Variants in AREG observed in about 807,000 individuals in gnomAD.
AREG encodes amphiregulin B.
A neutral mutation model predicts 28.0 loss-of-function variants in AREG; 16 were observed. The ratio of observed to expected loss-of-function variants is 0.57; its 90% CI spans 0.39 to 0.87. The LOEUF (loss-of-function observed/expected upper bound fraction) is 0.87. Ranked by LOEUF, AREG falls within the 40% of genes least tolerant of loss-of-function variation. The probability of loss-of-function intolerance (pLI) is 0.00; values close to 1 mark genes in which losing one functional copy is unlikely to be tolerated. For synonymous variants in AREG, 113 were observed against 113.5 expected (o/e 1.00, Z 0.02); for missense variants, 287 against 309.1 (o/e 0.93, Z 0.53).
Position 74,452,545 on chromosome 4 carries a change from C to G in AREG, c.667C>G (p.Leu223Val). The stretch of plus-strand genomic sequence containing the variant: ...ATTAGAATGCCTTGTTCTCTGAAGG[C>G]TTAGAAGACAATACGTCAGGAAATA... ...LTAVAVITVQLRRQYVRKYEG... is the reference protein window; with the variant it reads ...LTAVAVITVQVRRQYVRKYEG... The change falls in exon 5 of 6, where the codon CTT (leucine) becomes GTT (valine). Residue 223 changes from leucine (L) to valine (V), a missense_variant and splice_region_variant. By Grantham distance (32) the Leu-to-Val change is conservative. Coordinates refer to ENST00000395748, the MANE Select transcript of AREG (RefSeq NM_001657.4). 6.2e-7 allele frequency: 1 copy of G among 1,613,338 alleles called. No homozygotes were observed. Among genetic ancestry groups the G allele is most frequent in the Non-Finnish European group, 8.5e-7 (1 of 1,179,610 alleles).
chr4:74,453,171 T>C (rs1197199406), intron 5 of AREG, among the ~76,000 whole-genome samples: 5 of 152,148 alleles, frequency 3.3e-5, no homozygotes, highest in African/African-American at 1.2e-4. Context: ...TTGTGAAAAA[T>C]GGCTTAATCT....
In AREG at chr4:74,454,051, C is replaced by T. The variant is rs986012005; in HGVS notation, c.*19-708C>T. On this transcript the variant is annotated intron_variant, in intron 5 of 5. Coordinates refer to ENST00000395748, the MANE Select transcript of AREG (RefSeq NM_001657.4). ...CCAGATGGTTCTGATACTTGAACAACGCTATATTTAGCATTGGTTAAGTAC... is the reference window on the plus strand; with the variant it reads ...CCAGATGGTTCTGATACTTGAACAATGCTATATTTAGCATTGGTTAAGTAC... Among the ~76,000 whole-genome samples, 41 of 152,114 alleles carry T rather than the reference C, an allele frequency of 2.7e-4. No individual in the cohort carries two copies. In the East Asian group the frequency reaches 3.9e-3, roughly 14 times the overall value.
At chr4:74,452,494 A>G (rs1346727224) in intron 4 of AREG, 50 bp from the exon 5 acceptor site, 1 of 1,609,390 alleles carries the variant, frequency 6.2e-7, no homozygotes, top group African/African-American at 1.3e-5. Flanking sequence ...CCAATCAAAC[A>G]TATAGATGAA....
chr4:74,449,293 T>C, intron 3 of AREG, 45 bp downstream of exon 3: 2 of 1,612,768 alleles, frequency 1.2e-6, no homozygotes, highest in South Asian at 1.1e-5. Flanking sequence ...TCTAGCACCA[T>C]GTCTGAAACC....
chr4:74,448,840 T>C, intron 2 of AREG: 2 of 648,998 alleles, frequency 3.1e-6, no homozygotes, highest in Non-Finnish European at 5.0e-6. Context: ...ACTATAATCA[T>C]GAGTGGACAC....
intron 4 of AREG, 102 bp downstream of exon 4, chr4:74,450,634 T>C (rs1719366374): frequency 3.5e-6 from 5 of 1,440,468 alleles, no homozygotes; most frequent in Non-Finnish European, 4.7e-6. Context: ...TGAATTATTA[T>C]ATTGTCACTT....
In AREG at chr4:74,447,883, A is replaced by G. The variant is rs1719318555; in HGVS notation, c.310+1101A>G. ...GTGGGTAAGGGGTTCATTTGTGCTTATTTTTGAAGGCATGAGATTAGACCC... is the reference window on the plus strand; with the variant it reads ...GTGGGTAAGGGGTTCATTTGTGCTTGTTTTTGAAGGCATGAGATTAGACCC... On this transcript the variant is annotated intron_variant, in intron 2 of 5. Coordinates refer to ENST00000395748, the MANE Select transcript of AREG (RefSeq NM_001657.4). Among the ~76,000 whole-genome samples, 20 of 152,276 alleles carry G rather than the reference A, an allele frequency of 1.3e-4. 1 individual carries two copies. The South Asian group carries it at 3.9e-3, about 30-fold the overall frequency.
intron 3 of AREG, among the ~76,000 whole-genome samples, chr4:74,449,742 G>A (rs1303387369): frequency 6.6e-6 from 1 of 152,120 alleles, no homozygotes; most frequent in Admixed American, 6.5e-5. Context: ...GAGACAGAGC[G>A]AGGCCCTGTC....
rs1385527433 is a variant in AREG at position 74,446,649 on chromosome 4, A to T, written c.177A>T (p.Ser59=). ...TTACCTCAAGAAGTGAGATGTCTTC[A>T]GGGAGTGAGATTTCCCCTGTGAGTG... ...FEVTSRSEMS[S]GSEISPVSEM... Residue 59 remains serine, a synonymous_variant, in exon 2 of 6, where the codon TCA becomes TCT. Transcript: ENST00000395748. The T allele has an allele frequency of 1.2e-6, 2 of 1,613,996 alleles. No individual in the cohort carries two copies. The highest frequency in any genetic ancestry group is 2.7e-5 in the African/African-American group (2 of 75,054).
rs977388436 is a variant in AREG at position 74,454,756 on chromosome 4, C to A, written c.*19-3C>A. The A allele has an allele frequency of 1.5e-6, 1 of 683,816 alleles. No individual in the cohort carries two copies. 42.4% of individuals were successfully genotyped at this position (683,816 alleles called of 1,614,324 possible). A position where few individuals can be genotyped will look rare whatever the true frequency, so the allele number is the denominator to read the frequency against. ...TATTTTATTTTATTTTATTTTCTCA[C>A]AGGATATCACATTGGAGTCACTGCC... On this transcript the variant is annotated splice_polypyrimidine_tract_variant and splice_region_variant and intron_variant, in intron 5 of 5. Coordinates refer to ENST00000395748, the MANE Select transcript of AREG (RefSeq NM_001657.4).
rs1719250540 is a variant in AREG at position 74,445,292 on chromosome 4, G to T, written c.-54G>T. Reference sequence around the variant, plus strand: ...CCCGCTCGTTTTGGCGGCAGCTCGTGTCCCAGAGACCGAGTTGCCCCAGAG... The same window carrying T: ...CCCGCTCGTTTTGGCGGCAGCTCGTTTCCCAGAGACCGAGTTGCCCCAGAG... On this transcript the variant is annotated 5_prime_UTR_variant, in exon 1 of 6. Transcript: ENST00000395748. 2.5e-6 allele frequency: 4 copies of T among 1,590,688 alleles called. No homozygotes were observed. The highest frequency in any genetic ancestry group is 3.4e-6 in the Non-Finnish European group (4 of 1,170,834).
At position 74,445,192 on chromosome 4, in the gene AREG, C is replaced by T; in HGVS notation, c.-154C>T. 6.8e-7 allele frequency: 1 copy of T among 1,473,142 alleles called. No homozygotes were observed. The highest frequency in any genetic ancestry group is 2.3e-5 in the Admixed American group (1 of 44,374). 91.3% of individuals were successfully genotyped at this position (1,473,142 alleles called of 1,614,324 possible). A position where few individuals can be genotyped will look rare whatever the true frequency, so the allele number is the denominator to read the frequency against. ...AGAGGTCCCGGGACAGCCCGAGGCG[C>T]CGCGCCCGCCGCCCCGAGCTCCCCA... is the stretch of plus-strand genomic sequence containing the variant. On this transcript the variant is annotated 5_prime_UTR_variant, in exon 1 of 6. Coordinates refer to ENST00000395748, the MANE Select transcript of AREG (RefSeq NM_001657.4).
At position 74,446,613 on chromosome 4, in the gene AREG, T is replaced by C. The variant is rs1284770638; in HGVS notation, c.141T>C (p.Asp47=). 1.2e-6 allele frequency: 2 copies of C among 1,613,862 alleles called. No homozygotes were observed. Among genetic ancestry groups the C allele is most frequent in the African/African-American group, 2.7e-5 (2 of 74,916 alleles). Residue 47 remains aspartate (D), a synonymous_variant, in exon 2 of 6, where the codon GAT becomes GAC. Coordinates refer to ENST00000395748, the MANE Select transcript of AREG (RefSeq NM_001657.4). ...REPFSGDHSA[D]GFEVTSRSEM... is the part of the protein sequence containing the mutation. ...CATTTTCTGGGGACCACAGTGCTGA[T>C]GGATTTGAGGTTACCTCAAGAAGTG... is the stretch of plus-strand genomic sequence containing the variant.
At chr4:74,454,531 A>G (rs938807434) in intron 5 of AREG, among the ~76,000 whole-genome samples, 2 of 152,174 alleles carry the variant, frequency 1.3e-5, no homozygotes, top group East Asian at 1.9e-4. Flanking sequence ...GTGGACTTCT[A>G]CTGAACTAGG....
intron 5 of AREG, among the ~76,000 whole-genome samples, chr4:74,453,968 A>G (rs1224740438): frequency 6.6e-6 from 1 of 151,974 alleles, no homozygotes; most frequent in Non-Finnish European, 1.5e-5. Flanking sequence ...TTGAATATGC[A>G]TATTCCTAAG....
Position 74,446,740 on chromosome 4 carries a change from G to A in AREG, c.268G>A (p.Glu90Lys), listed in dbSNP as rs765591544. ...DYDYSEEYDN[E>K]PQIPGYIVDD... is the part of the protein sequence containing the mutation. ...TGACTACTCAGAAGAGTATGATAAC[G>A]AACCACAAATACCTGGCTATATTGT... is the stretch of plus-strand genomic sequence containing the variant. The change falls in exon 2 of 6, where the codon GAA becomes AAA. Residue 90 changes from glutamate to lysine, a missense_variant. By Grantham distance (56) the Glu-to-Lys change is moderately conservative. Transcript: ENST00000395748. The A allele has an allele frequency of 1.1e-5, 17 of 1,613,816 alleles. No individual in the cohort carries two copies. Among genetic ancestry groups the A allele is most frequent in the African/African-American group, 9.3e-5 (7 of 74,898 alleles).
chr4:74,451,964 G>T (rs1485421539), intron 4 of AREG, among the ~76,000 whole-genome samples: 1 of 151,978 alleles, frequency 6.6e-6, no homozygotes, highest in Admixed American at 6.6e-5. Context: ...TACAATAAAA[G>T]AAAACTTTTT....
At chr4:74,447,209 T>C (rs567793773) in intron 2 of AREG, among the ~76,000 whole-genome samples, 2 of 152,248 alleles carry the variant, frequency 1.3e-5, no homozygotes, top group East Asian at 3.9e-4. Flanking sequence ...ATTTAGACAT[T>C]AACCATTCCT....
chr4:74,449,753 T>TCAAAA (rs1236553711), intron 3 of AREG, among the ~76,000 whole-genome samples: 27 of 152,214 alleles, frequency 1.8e-4, no homozygotes, highest in Middle Eastern at 3.4e-3. Context: ...AGGCCCTGTC[T>TCAAAA]CAAAACAAAA....
Sources: allele counts gnomAD v4.1 joint callset (sites outside exome capture counted in the v4.1 genomes callset), GRCh38; gene constraint gnomAD v4.1.1; transcripts MANE v1.5; gene names NCBI Gene and HGNC (gene_info 2026-07-23, HGNC 2026-07-21).